Variants in SORD observed in about 807,000 individuals in gnomAD.
The protein encoded by SORD is sorbitol dehydrogenase, also known as (R,R)-butanediol dehydrogenase.
Under a neutral mutation model 35.6 loss-of-function variants are expected in SORD, and 18 were observed. The observed-to-expected ratio is 0.51, with a 90% CI of 0.35 to 0.75. The LOEUF (loss-of-function observed/expected upper bound fraction) is 0.75. SORD is among the 30% of genes least tolerant of loss of function. The pLI is 0.01. For missense variants in SORD, 250 were observed against 390.2 expected, an observed-to-expected ratio of 0.64 and a Z score of 3.03; for synonymous variants, 106 against 152.9, an observed-to-expected ratio of 0.69 and a Z score of 2.26.
chr15:45,060,033 G>A (rs547754041), intron 3 of SORD, among the ~76,000 whole-genome samples: 3 of 152,292 alleles, frequency 2.0e-5, no homozygotes, highest in Admixed American at 2.0e-4. Flanking sequence ...GTAGTGTTCT[G>A]TATCTTAAAA....
chr15:45,064,393 T>C (rs1426157277), intron 4 of SORD, among the ~76,000 whole-genome samples: 2 of 152,208 alleles, frequency 1.3e-5, no homozygotes, highest in Non-Finnish European at 2.9e-5. Context: ...CTGCCTAACA[T>C]GGTTTTCATG....
chr15:45,061,229 T>A lies in SORD; in HGVS notation c.425+3T>A. 6.2e-7 allele frequency: 1 copy of A among 1,614,088 alleles called. No homozygotes were observed. The highest frequency in any genetic ancestry group is 8.5e-7 in the Non-Finnish European group (1 of 1,179,978). Reference sequence around the variant, plus strand: ...CACAATGCAGCCTTTTGTTACAAGTTAGTGTCCACAGTCCCACTGGGTCAC... The same window carrying A: ...CACAATGCAGCCTTTTGTTACAAGTAAGTGTCCACAGTCCCACTGGGTCAC... On this transcript the variant is annotated splice_donor_region_variant and intron_variant, in intron 4 of 8. Coordinates refer to ENST00000267814, the MANE Select transcript of SORD (RefSeq NM_003104.6).
chr15:45,056,653 G>T (rs1351829460), intron 3 of SORD, among the ~76,000 whole-genome samples: 1 of 152,158 alleles, frequency 6.6e-6, no homozygotes, highest in East Asian at 1.9e-4. Context: ...TAACATTTAG[G>T]GAGTTACCTG....
chr15:45,031,377 C>T (rs74011334), intron 1 of SORD, among the ~76,000 whole-genome samples: 31,207 of 150,506 alleles, frequency 0.21, 6 homozygotes, highest in African/African-American at 0.44. Context: ...CTCCAGAGAC[C>T]AGCACGCTGA....
intron 1 of SORD, among the ~76,000 whole-genome samples, chr15:45,032,925 G>GGTGTGCAGGGCAGCCCTCCAC (rs1239188776): frequency 8.6e-5 from 13 of 151,990 alleles, no homozygotes; most frequent in African/African-American, 2.6e-4. Context: ...GCGCCCTGCA[G>GGTGTGCAGGGCAGCCCTCCAC]GTGTGCAGGG....
chr15:45,066,259 A>G (rs1432442907), intron 5 of SORD, among the ~76,000 whole-genome samples: 1 of 151,706 alleles, frequency 6.6e-6, no homozygotes, highest in East Asian at 1.9e-4. Flanking sequence ...AAAAAAAAAA[A>G]AAAAGGAATT....
chr15:45,057,511 G>A (rs764575738), intron 3 of SORD, among the ~76,000 whole-genome samples: 7 of 152,344 alleles, frequency 4.6e-5, no homozygotes, highest in Admixed American at 6.5e-5. Context: ...TTGGCTGGGC[G>A]TGGTGGCTCA....
intron 4 of SORD, among the ~76,000 whole-genome samples, chr15:45,064,787 CATGTT>C (rs570225106): frequency 1.3e-3 from 198 of 152,306 alleles, no homozygotes; most frequent in African/African-American, 4.2e-3. Context: ...GGAACGTGGC[CATGTT>C]AACTCCTTGT....
At chr15:45,052,940 A>G (rs150117156) in intron 3 of SORD, among the ~76,000 whole-genome samples, 8 of 152,322 alleles carry the variant, frequency 5.3e-5, no homozygotes, top group Non-Finnish European at 1.2e-4. Context: ...GTTGTAGGTC[A>G]TCTTGGGGGG....
chr15:45,030,108 A>T (rs72722067), intron 1 of SORD, among the ~76,000 whole-genome samples: 6,398 of 150,888 alleles, frequency 0.042, no homozygotes, highest in African/African-American at 0.09. Context: ...CAGTCCCAGG[A>T]TTTAACTTGT....
At chr15:45,061,668 C>T (rs142520325) in intron 4 of SORD, among the ~76,000 whole-genome samples, 5 of 151,822 alleles carry the variant, frequency 3.3e-5, no homozygotes, top group African/African-American at 9.7e-5. Flanking sequence ...GAGATCGAGA[C>T]CTTCCTGGCT....
At chr15:45,038,126 C>CCCTTCCTTCCTTCTTT (rs1892899777) in intron 1 of SORD, among the ~76,000 whole-genome samples, 1 of 122,244 alleles carries the variant, frequency 8.2e-6, no homozygotes, top group African/African-American at 3.0e-5. Context: ...CTCGCATCCT[C>CCCTTCCTTCCTTCTTT]CCTTCCTTCC....
intron 1 of SORD, among the ~76,000 whole-genome samples, chr15:45,027,333 TCTA>T (rs1179981001): frequency 2.0e-5 from 3 of 152,408 alleles, no homozygotes; most frequent in African/African-American, 7.2e-5. Flanking sequence ...TAGTCCCCCT[TCTA>T]CTGCTGCTAG....
At chr15:45,036,989 T>C (rs778256275) in intron 1 of SORD, among the ~76,000 whole-genome samples, 5 of 152,152 alleles carry the variant, frequency 3.3e-5, no homozygotes, top group South Asian at 4.1e-4. Context: ...GTAATAACTT[T>C]CTAAAACATT....
intron 1 of SORD, among the ~76,000 whole-genome samples, chr15:45,034,524 A>G (rs1267968691): frequency 6.6e-6 from 1 of 152,266 alleles, no homozygotes; most frequent in Non-Finnish European, 1.5e-5. Flanking sequence ...AAGCAAGATA[A>G]CATTTAGTAT....
rs1892618729 is a variant in SORD at position 45,023,316 on chromosome 15, C to T, written c.33C>T (p.Ser11=). The stretch of plus-strand genomic sequence containing the variant: ...CGGCGGCCAAGCCCAACAACCTTTC[C>T]CTGGTGGTGCACGGACCGGGGGACT... MAAAAKPNNL[S]LVVHGPGDLR... The change falls in exon 1 of 9, where the codon TCC becomes TCT. Residue 11 remains serine, a synonymous_variant. Coordinates refer to ENST00000267814, the MANE Select transcript of SORD (RefSeq NM_003104.6). 1 of 1,591,866 alleles carries T rather than the reference C, an allele frequency of 6.3e-7. No homozygotes were observed. The highest frequency in any genetic ancestry group is 8.5e-7 in the Non-Finnish European group (1 of 1,170,474).
At chr15:45,058,762 T>C (rs920757143) in intron 3 of SORD, 15 of 152,242 alleles carry the variant, frequency 9.9e-5, no homozygotes, top group African/African-American at 3.6e-4. Context: ...GTTGTTGTTT[T>C]CCAGTTAAAT....
At chr15:45,042,427 G>C (rs1295233621) in intron 2 of SORD, 1 of 152,138 alleles carries the variant, frequency 6.6e-6, no homozygotes, top group Non-Finnish European at 1.5e-5. Context: ...GGGAGGTGGA[G>C]ATTGCAGTAA....
At chr15:45,030,579 T>C (rs1247833565) in intron 1 of SORD, among the ~76,000 whole-genome samples, 3 of 152,246 alleles carry the variant, frequency 2.0e-5, no homozygotes, top group African/African-American at 4.8e-5. Context: ...TGAGCACTTA[T>C]CAAGATCACG....
Sources: allele counts gnomAD v4.1 joint callset (sites outside exome capture counted in the v4.1 genomes callset), GRCh38; gene constraint gnomAD v4.1.1; transcripts MANE v1.5; gene names NCBI Gene and HGNC (gene_info 2026-07-23, HGNC 2026-07-21).